Variants in ADARB2 observed in about 807,000 individuals in gnomAD.
ADARB2 encodes the protein adenosine deaminase RNA specific B2 (inactive), also known as inactive double-stranded RNA-specific editase B2.
In ADARB2, 25 loss-of-function variants were observed where a neutral mutation model predicts 62.2. The observed-to-expected ratio is 0.40, with a 90% confidence interval of 0.29 to 0.56. The LOEUF is 0.56. ADARB2 is among the 20% of genes least tolerant of loss of function. ADARB2 has a pLI of 0.43. For synonymous variants in ADARB2, 572 were observed against 500.8 expected (o/e 1.14, Z -1.90); for missense variants, 1,071 against 1,077.4 (o/e 0.99, Z 0.08).
chr10:1,561,935 C>G (rs954390473), intron 1 of ADARB2, among the ~76,000 whole-genome samples: 1 of 152,222 alleles, frequency 6.6e-6, no homozygotes, highest in African/African-American at 2.4e-5. Context: ...TGCCTAGAAG[C>G]CCTGGAAATA....
intron 1 of ADARB2, among the ~76,000 whole-genome samples, chr10:1,616,479 C>T (rs1211996949): frequency 3.3e-5 from 5 of 150,578 alleles, no homozygotes; most frequent in Non-Finnish European, 5.9e-5. Context: ...ACACTCCACA[C>T]CACCCTGCTG....
At chr10:1,224,320 T>C (rs1830724327) in intron 6 of ADARB2, among the ~76,000 whole-genome samples, 1 of 152,218 alleles carries the variant, frequency 6.6e-6, no homozygotes, top group Non-Finnish European at 1.5e-5. Context: ...TCTCTTTTCT[T>C]CTTTATTAGT....
chr10:1,556,245 C>T lies in ADARB2; in HGVS notation c.101-177085G>A, dbSNP rs1038754236. ...AAGAGCACCTTCAAAGAAAGCCTTC[C>T]TCTCAAACAAAAAGTCTTTTTTTTT... is the stretch of plus-strand genomic sequence containing the variant. On this transcript the variant is annotated intron_variant, in intron 1 of 9. Coordinates refer to ENST00000381312, the MANE Select transcript of ADARB2 (RefSeq NM_018702.4). Among the ~76,000 whole-genome samples the T allele has an allele frequency of 2.1e-5, 3 of 140,370 alleles. No individual in the cohort carries two copies. In the East Asian group the frequency reaches 6.4e-4, roughly 30 times the overall value. 92.1% of individuals were successfully genotyped at this position (140,370 alleles called of 152,430 possible).
chr10:1,465,109 G>A (rs1339348147), intron 1 of ADARB2, among the ~76,000 whole-genome samples: 1 of 152,242 alleles, frequency 6.6e-6, no homozygotes, highest in Non-Finnish European at 1.5e-5. Flanking sequence ...GACACGTCCT[G>A]CTCGGTGACA....
At position 1,591,075 on chromosome 10, in the gene ADARB2, G is replaced by A. The variant is rs575865902; in HGVS notation, c.100+145976C>T. ...CTCAGTGAAACTGTTCTAAGAATCT[G>A]TGTCCGAAGCCTTTTTAATTCATCC... On this transcript the variant is annotated intron_variant, in intron 1 of 9. Transcript: ENST00000381312. Among the ~76,000 whole-genome samples, 3 of 152,378 alleles carry A rather than the reference G, an allele frequency of 2.0e-5. No homozygotes were observed. The East Asian group carries it at 5.8e-4, about 29-fold the overall frequency.
chr10:1,536,238 A>T (rs1832331164), intron 1 of ADARB2, among the ~76,000 whole-genome samples: 6 of 152,174 alleles, frequency 3.9e-5, no homozygotes, highest in Admixed American at 3.9e-4. Context: ...TTAGAAGAGA[A>T]AGAGACCGGG....
At chr10:1,230,527 G>A (rs1302337769) in intron 6 of ADARB2, among the ~76,000 whole-genome samples, 1 of 152,228 alleles carries the variant, frequency 6.6e-6, no homozygotes, top group Non-Finnish European at 1.5e-5. Flanking sequence ...AGTTAGCAAC[G>A]TGGAGACCCC....
At chr10:1,418,324 G>A (rs1206097947) in intron 1 of ADARB2, among the ~76,000 whole-genome samples, 1 of 152,228 alleles carries the variant, frequency 6.6e-6, no homozygotes, top group Non-Finnish European at 1.5e-5. Context: ...CGAGCTTTAA[G>A]ATGCAGCGGG....
chr10:1,379,528 G>C (rs538179176), intron 1 of ADARB2, among the ~76,000 whole-genome samples: 1 of 152,188 alleles, frequency 6.6e-6, no homozygotes, highest in Non-Finnish European at 1.5e-5. Flanking sequence ...GCTAAAACAA[G>C]TAAAACAATC....
At chr10:1,556,278 A>C (rs1477382871) in intron 1 of ADARB2, among the ~76,000 whole-genome samples, 3 of 120,446 alleles carry the variant, frequency 2.5e-5, no homozygotes, top group Non-Finnish European at 5.7e-5. Context: ...TTTTTTTTTA[A>C]ATTTCTTTAC....
intron 1 of ADARB2, among the ~76,000 whole-genome samples, chr10:1,385,362 A>G (rs1832516991): frequency 6.6e-6 from 1 of 152,332 alleles, no homozygotes; most frequent in East Asian, 1.9e-4. Flanking sequence ...CATTAAATAG[A>G]TGTTAGAAAT....
At chr10:1,488,221 C>CAAAAA (rs573554204) in intron 1 of ADARB2, among the ~76,000 whole-genome samples, 5,951 of 129,722 alleles carry the variant, frequency 0.046, 141 homozygotes, top group South Asian at 0.077. Flanking sequence ...TCAGATTTGG[C>CAAAAA]AAAGAAAAAA....
intron 1 of ADARB2, among the ~76,000 whole-genome samples, chr10:1,515,427 G>A (rs1024361630): frequency 2.0e-5 from 3 of 152,254 alleles, no homozygotes; most frequent in Admixed American, 2.0e-4. Flanking sequence ...GTAGATCTGA[G>A]ATCACAACCA....
rs116931364 is a variant in ADARB2 at position 1,484,915 on chromosome 10, T to A, written c.101-105755A>T. Among the ~76,000 whole-genome samples the A allele has an allele frequency of 9.7e-3, 1,478 of 152,230 alleles. 67 individuals are homozygous for A. The highest frequency in any genetic ancestry group is 0.077 in the Admixed American group (1,184 of 15,290). On this transcript the variant is annotated intron_variant, in intron 1 of 9. Coordinates refer to ENST00000381312, the MANE Select transcript of ADARB2 (RefSeq NM_018702.4). Reference sequence around the variant, plus strand: ...ATTTGTAGGTGCACTTGTAGGTAGGTGTGCAGGTATCTATGCAGGTAGGTA... The same window carrying A: ...ATTTGTAGGTGCACTTGTAGGTAGGAGTGCAGGTATCTATGCAGGTAGGTA...
chr10:1,433,957 T>C (rs1036724606), intron 1 of ADARB2, among the ~76,000 whole-genome samples: 5 of 152,222 alleles, frequency 3.3e-5, no homozygotes, highest in African/African-American at 1.2e-4. Flanking sequence ...TAACTGAATG[T>C]GCAATTATGG....
At chr10:1,506,070 G>A (rs1477208175) in intron 1 of ADARB2, among the ~76,000 whole-genome samples, 2 of 151,866 alleles carry the variant, frequency 1.3e-5, no homozygotes, top group Non-Finnish European at 2.9e-5. Flanking sequence ...GATTTTAAGA[G>A]AAACAGTGCA....
rs562977433 is a variant in ADARB2 at position 1,210,877 on chromosome 10, G to C, written c.1682+6074C>G. ...CCCCGTGGTGTAGACGTCTCCTCGGGACGAGTCTCAGTGGAGCCATCATAG... is the reference window on the plus strand; with the variant it reads ...CCCCGTGGTGTAGACGTCTCCTCGGCACGAGTCTCAGTGGAGCCATCATAG... On this transcript the variant is annotated intron_variant, in intron 7 of 9. Coordinates refer to ENST00000381312, the MANE Select transcript of ADARB2 (RefSeq NM_018702.4). Among the ~76,000 whole-genome samples, 4 of 152,322 alleles carry C rather than the reference G, an allele frequency of 2.6e-5. No homozygotes were observed. The East Asian group carries it at 7.7e-4, about 29-fold the overall frequency.
intron 1 of ADARB2, among the ~76,000 whole-genome samples, chr10:1,578,258 G>A (rs1008520270): frequency 6.6e-6 from 1 of 152,156 alleles, no homozygotes. Context: ...AAGAGCAGGT[G>A]ACAAAGCATG....
intron 1 of ADARB2, among the ~76,000 whole-genome samples, chr10:1,427,527 T>C (rs1338565767): frequency 6.6e-6 from 1 of 152,218 alleles, no homozygotes; most frequent in Non-Finnish European, 1.5e-5. Context: ...CAGTGAGATG[T>C]TACCATATAC....
Sources: allele counts gnomAD v4.1 joint callset (sites outside exome capture counted in the v4.1 genomes callset), GRCh38; gene constraint gnomAD v4.1.1; transcripts MANE v1.5; gene names NCBI Gene and HGNC (gene_info 2026-07-23, HGNC 2026-07-21).